The following PARD3B variants were observed in gnomAD, a reference collection of about 807,000 sequenced individuals.
PARD3B encodes partitioning defective 3 homolog B.
PARD3B carries 103 observed loss-of-function variants against 130.2 expected under a neutral mutation model. The observed-to-expected ratio is 0.79, with a 90% CI of 0.67 to 0.93. PARD3B has a LOEUF of 0.93. PARD3B is among the 40% of genes least tolerant of loss of function. PARD3B has a pLI of 0.00. For synonymous variants in PARD3B, 583 were observed against 553.2 expected (o/e 1.05, Z -0.76); for missense variants, 1,609 against 1,499.2 (o/e 1.07, Z -1.21).
intron 10 of PARD3B, among the ~76,000 whole-genome samples, chr2:205,145,156 G>A (rs879533094): frequency 1.3e-5 from 2 of 151,932 alleles, no homozygotes; most frequent in Non-Finnish European, 2.9e-5. Flanking sequence ...CTAAATAACG[G>A]CACATATACC....
chr2:204,933,842 T>G (rs1688211011), intron 2 of PARD3B, among the ~76,000 whole-genome samples: 1 of 152,226 alleles, frequency 6.6e-6, no homozygotes, highest in Non-Finnish European at 1.5e-5. Context: ...TGACATAGAT[T>G]GTAATTTGCA....
intron 21 of PARD3B, among the ~76,000 whole-genome samples, chr2:205,543,672 A>G (rs935909203): frequency 6.6e-6 from 1 of 152,196 alleles, no homozygotes; most frequent in African/African-American, 2.4e-5. Context: ...ATGATCTCTG[A>G]ACTTTCATTT....
intron 21 of PARD3B, among the ~76,000 whole-genome samples, chr2:205,522,508 T>A (rs1389139370): frequency 2.6e-5 from 4 of 152,054 alleles, no homozygotes; most frequent in Non-Finnish European, 4.4e-5. Context: ...TTAAAAAAAA[T>A]TAAATTAATT....
intron 2 of PARD3B, among the ~76,000 whole-genome samples, chr2:204,895,205 T>A (rs1218001662): frequency 6.6e-6 from 1 of 152,130 alleles, no homozygotes; most frequent in Non-Finnish European, 1.5e-5. Flanking sequence ...TTAGGTTATG[T>A]TAGAAAAGTA....
chr2:204,606,145 A>T lies in PARD3B; in HGVS notation c.120+60026A>T, dbSNP rs901485203. 6.6e-6 allele frequency among the ~76,000 whole-genome samples: 1 copy of T among 152,164 alleles called. No individual in the cohort carries two copies. Among genetic ancestry groups the T allele is most frequent in the Non-Finnish European group, 1.5e-5 (1 of 68,034 alleles). ...CAGGTTTTGTCTCTCCAACTCCGATATATGCTTCTTGAGGTCAATACCTGG... is the reference window on the plus strand; with the variant it reads ...CAGGTTTTGTCTCTCCAACTCCGATTTATGCTTCTTGAGGTCAATACCTGG... On this transcript the variant is annotated intron_variant, in intron 1 of 22. Transcript: ENST00000406610. This position sits in a 1 kb window ranked among gnomAD's most constrained non-coding sequence, Gnocchi z 4.0.
chr2:204,830,134 A>G (rs915031131), intron 2 of PARD3B, among the ~76,000 whole-genome samples: 1 of 151,782 alleles, frequency 6.6e-6, no homozygotes, highest in Non-Finnish European at 1.5e-5. Context: ...CTTCCCAGCC[A>G]TGCCTGCTGT....
At chr2:204,734,510 G>A (rs1038651690) in intron 2 of PARD3B, among the ~76,000 whole-genome samples, 17 of 152,064 alleles carry the variant, frequency 1.1e-4, no homozygotes, top group South Asian at 4.1e-4. Flanking sequence ...CCAAATATCC[G>A]TCACCTGGTA....
intron 18 of PARD3B, among the ~76,000 whole-genome samples, chr2:205,318,550 A>G (rs747186825): frequency 6.6e-6 from 1 of 152,064 alleles, no homozygotes; most frequent in Non-Finnish European, 1.5e-5. Context: ...TTTTAATTTT[A>G]CTTTGCTATT....
chr2:205,427,085 G>A (rs531186274), intron 19 of PARD3B, among the ~76,000 whole-genome samples: 2 of 152,292 alleles, frequency 1.3e-5, no homozygotes, highest in South Asian at 4.1e-4. Context: ...CTCACCTATG[G>A]TTATCAAATT....
In PARD3B at chr2:205,122,068, G is replaced by A. The variant is rs776890215; in HGVS notation, c.1165+119G>A. The A allele has an allele frequency of 9.0e-6, 8 of 884,132 alleles. No homozygotes were observed. Among genetic ancestry groups the A allele is most frequent in the Admixed American group, 2.9e-5 (1 of 34,544 alleles). 54.8% of individuals were successfully genotyped at this position (884,132 alleles called of 1,614,324 possible). A position where few individuals can be genotyped will look rare whatever the true frequency, so the allele number is the denominator to read the frequency against. Reference sequence around the variant, plus strand: ...CTTCATTTAATTGTATCAAAGAATAGATTTAAGTGTATACTTAGGTAACTT... The same window carrying A: ...CTTCATTTAATTGTATCAAAGAATAAATTTAAGTGTATACTTAGGTAACTT... On this transcript the variant is annotated intron_variant, in intron 8 of 22. Transcript: ENST00000406610. This position sits in a 1 kb window ranked among gnomAD's most constrained non-coding sequence, Gnocchi z 4.3.
Position 204,585,700 on chromosome 2 carries a change from T to C in PARD3B, c.120+39581T>C, listed in dbSNP as rs372100144. On this transcript the variant is annotated intron_variant, in intron 1 of 22. Coordinates refer to ENST00000406610, the MANE Select transcript of PARD3B (RefSeq NM_001302769.2). ...ATAAGTGGTGTGATTGATAGGCTTC[T>C]AGGTTGCTATAATATACGTCTGCAC... Among the ~76,000 whole-genome samples the C allele has an allele frequency of 7.9e-5, 12 of 152,248 alleles. No individual in the cohort carries two copies. In the East Asian group the frequency reaches 1.9e-3, roughly 24 times the overall value.
At chr2:205,560,505 A>C (rs1441714954) in intron 22 of PARD3B, among the ~76,000 whole-genome samples, 1 of 152,126 alleles carries the variant, frequency 6.6e-6, no homozygotes, top group Non-Finnish European at 1.5e-5. Context: ...GAGTTGAAAA[A>C]ACAGTGTCTG....
At chr2:205,184,783 T>C (rs182202477) in intron 13 of PARD3B, among the ~76,000 whole-genome samples, 3,162 of 144,950 alleles carry the variant, frequency 0.022, 46 homozygotes, top group Non-Finnish European at 0.031. Flanking sequence ...CACACACACA[T>C]ATATATATAT....
At chr2:205,542,827 TTAGAC>T (rs1232523453) in intron 21 of PARD3B, among the ~76,000 whole-genome samples, 1 of 152,218 alleles carries the variant, frequency 6.6e-6, no homozygotes, top group Non-Finnish European at 1.5e-5. Context: ...ATCTAAATTG[TTAGAC>T]TATTTATAGT....
At chr2:204,842,633 G>A (rs1284978416) in intron 2 of PARD3B, among the ~76,000 whole-genome samples, 5 of 152,168 alleles carry the variant, frequency 3.3e-5, no homozygotes, top group Non-Finnish European at 5.9e-5. Context: ...CCCTAGAGAA[G>A]GAGAGTGGTT....
In PARD3B at chr2:205,464,718, A is replaced by G. The variant is rs78934931; in HGVS notation, c.3044+24046A>G. On this transcript the variant is annotated intron_variant, in intron 20 of 22. Coordinates refer to ENST00000406610, the MANE Select transcript of PARD3B (RefSeq NM_001302769.2). ...AGTTCAATCTCCTGCTTCTAGGCAGAAGACCCAAATCACACAGGCCAGATA... is the reference window on the plus strand; with the variant it reads ...AGTTCAATCTCCTGCTTCTAGGCAGGAGACCCAAATCACACAGGCCAGATA... 1.7e-3 allele frequency among the ~76,000 whole-genome samples: 253 copies of G among 152,356 alleles called. 1 individual carries two copies. The highest frequency in any genetic ancestry group is 6.0e-3 in the African/African-American group (248 of 41,586).
At chr2:205,354,026 CTTTTTTT>C (rs869308018) in intron 18 of PARD3B, among the ~76,000 whole-genome samples, 11 of 50,362 alleles carry the variant, frequency 2.2e-4, no homozygotes, top group African/African-American at 2.5e-4. Context: ...TTTTCTTTTC[CTTTTTTT>C]TTTTTTTTTT....
chr2:204,820,027 T>C (rs1476073530), intron 2 of PARD3B, among the ~76,000 whole-genome samples: 3 of 149,416 alleles, frequency 2.0e-5, no homozygotes, highest in Non-Finnish European at 4.4e-5. Context: ...GTCTGCAAGA[T>C]CTACCTAAAA....
chr2:204,816,158 C>A (rs543515634), intron 2 of PARD3B, among the ~76,000 whole-genome samples: 1 of 151,946 alleles, frequency 6.6e-6, no homozygotes, highest in East Asian at 1.9e-4. Flanking sequence ...AGTATAAGAA[C>A]CTTGTAATAG....
Sources: allele counts gnomAD v4.1 joint callset (sites outside exome capture counted in the v4.1 genomes callset), GRCh38; gene constraint gnomAD v4.1.1; non-coding constraint Gnocchi (gnomAD v3.1); transcripts MANE v1.5; gene names NCBI Gene and HGNC (gene_info 2026-07-23, HGNC 2026-07-21).